The following LARGE1 variants were observed in gnomAD, a reference collection of about 807,000 sequenced individuals.
LARGE1 encodes xylosyl- and glucuronyltransferase LARGE1.
Under a neutral mutation model 87.6 loss-of-function variants are expected in LARGE1, and 43 were observed. That is an observed-to-expected ratio of 0.49 (90% confidence interval 0.38 to 0.63). The LOEUF is 0.63. Among genes scored for constraint, LARGE1 ranks in the 30% least tolerant of loss-of-function variants. The pLI is 0.00. For missense variants in LARGE1, 802 were observed against 1,000.2 expected (o/e 0.80, Z 2.67); for synonymous variants, 434 against 394.6 (o/e 1.10, Z -1.18).
At chr22:33,467,110 A>T (rs531922700) in intron 6 of LARGE1, among the ~76,000 whole-genome samples, 1 of 152,306 alleles carries the variant, frequency 6.6e-6, no homozygotes, top group East Asian at 1.9e-4. Flanking sequence ...TATTGTTTCA[A>T]CTGTGTCTTC....
intron 6 of LARGE1, chr22:33,562,951 A>T (rs942383588): frequency 2.0e-5 from 3 of 152,658 alleles, no homozygotes; most frequent in Admixed American, 2.0e-4. Flanking sequence ...GCTCTTGAGA[A>T]CAGCACCTAT....
rs546697551 is a variant in LARGE1, at chr22:33,565,581, C to A, written c.616-562G>T. ...GATAAATAAGAGGACCTAGTCATCA[C>A]GCGACACTCTTCACCTGACAGCAAT... On this transcript the variant is annotated intron_variant, in intron 5 of 14. Transcript: ENST00000397394. Among the ~76,000 whole-genome samples the A allele has an allele frequency of 5.9e-5, 9 of 152,226 alleles. No homozygotes were observed. The South Asian group carries it at 1.3e-3, about 21-fold the overall frequency.
At chr22:33,882,035 G>T (rs199976648) in intron 1 of LARGE1, among the ~76,000 whole-genome samples, 5,859 of 144,132 alleles carry the variant, frequency 0.041, 134 homozygotes, top group Middle Eastern at 0.077. Flanking sequence ...TTTTGTTTTT[G>T]TTTTTTTTTG....
chr22:33,510,233 T>C (rs113676532), intron 6 of LARGE1, among the ~76,000 whole-genome samples: 1 of 152,126 alleles, frequency 6.6e-6, no homozygotes, highest in African/African-American at 2.4e-5. Context: ...GCAGCCACCT[T>C]GTAAGGGGGT....
chr22:33,216,878 C>A (rs1254670889), intron 11 of LARGE1, among the ~76,000 whole-genome samples: 1 of 152,154 alleles, frequency 6.6e-6, no homozygotes, highest in Non-Finnish European at 1.5e-5. Context: ...CATGTGGGAG[C>A]TAGAGGCAAA....
At chr22:33,653,599 G>A (rs2080881630) in intron 2 of LARGE1, among the ~76,000 whole-genome samples, 1 of 152,182 alleles carries the variant, frequency 6.6e-6, no homozygotes, top group Non-Finnish European at 1.5e-5. Flanking sequence ...AAATGTTCCA[G>A]TAAGAGTGAT....
intron 1 of LARGE1, among the ~76,000 whole-genome samples, chr22:33,882,185 C>G (rs552417305): frequency 2.0e-5 from 3 of 152,164 alleles, no homozygotes; most frequent in African/African-American, 7.2e-5. Context: ...CACCTGCCAC[C>G]ATGCCTGGCT....
chr22:33,641,162 C>T (rs1036720254), intron 3 of LARGE1, among the ~76,000 whole-genome samples: 5 of 152,134 alleles, frequency 3.3e-5, no homozygotes, highest in African/African-American at 7.2e-5. Context: ...TGGCAACGGG[C>T]GGGTGCCCCT....
intron 1 of LARGE1, among the ~76,000 whole-genome samples, chr22:33,904,479 C>A (rs1377424803): frequency 6.6e-6 from 1 of 152,134 alleles, no homozygotes; most frequent in Non-Finnish European, 1.5e-5. Context: ...GCCAGATGTA[C>A]TGGGAAAAAG....
chr22:33,859,159 T>C (rs2063841399), intron 1 of LARGE1, among the ~76,000 whole-genome samples: 1 of 152,162 alleles, frequency 6.6e-6, no homozygotes, highest in Non-Finnish European at 1.5e-5. Flanking sequence ...CTGCACGTTC[T>C]GCACATGTAT....
chr22:33,303,128 C>T (rs553599177), intron 12 of LARGE1, among the ~76,000 whole-genome samples: 7 of 152,262 alleles, frequency 4.6e-5, no homozygotes, highest in Admixed American at 2.0e-4. Context: ...CCTATCAATC[C>T]GAATTGTGTA....
intron 6 of LARGE1, among the ~76,000 whole-genome samples, chr22:33,511,241 T>C (rs903890902): frequency 6.6e-6 from 1 of 152,210 alleles, no homozygotes; most frequent in Non-Finnish European, 1.5e-5. Context: ...GAGTTGTACC[T>C]GTGTGTGTAC....
At chr22:33,857,792 T>C (rs2063797107) in intron 1 of LARGE1, among the ~76,000 whole-genome samples, 1 of 152,148 alleles carries the variant, frequency 6.6e-6, no homozygotes, top group Non-Finnish European at 1.5e-5. Flanking sequence ...ACACTGCTGG[T>C]AGGAGTGTAA....
Position 33,709,979 on chromosome 22 carries a change from GAAAAAA to G in LARGE1, c.106+51386_106+51391del, listed in dbSNP as rs5845106. ...TCTCTCATCAGACCTTTGCTAGGCA[GAAAAAA>G]AAAAAAAAAAAAAAAGGAAAACTTC... On this transcript the variant is annotated intron_variant, in intron 2 of 14. Coordinates refer to ENST00000397394, the MANE Select transcript of LARGE1 (RefSeq NM_133642.5). 6.5e-4 allele frequency among the ~76,000 whole-genome samples: 58 copies of G among 88,810 alleles called. 1 individual carries two copies. Among genetic ancestry groups the G allele is most frequent in the African/African-American group, 2.2e-3 (56 of 25,580 alleles). The allele number at this position is 88,810 out of a possible 152,430, so 58.3% of individuals were successfully genotyped here.
chr22:33,487,167 T>G (rs2069624608), intron 6 of LARGE1, among the ~76,000 whole-genome samples: 1 of 152,182 alleles, frequency 6.6e-6, no homozygotes, highest in African/African-American at 2.4e-5. Context: ...GCTTATCAAA[T>G]TATTCATTCA....
intron 6 of LARGE1, among the ~76,000 whole-genome samples, chr22:33,503,242 CTTT>C (rs60105421): frequency 1.4e-5 from 2 of 142,808 alleles, no homozygotes; most frequent in African/African-American, 5.3e-5. Context: ...AGGAGTTCCC[CTTT>C]TTTTTTTTTT....
chr22:33,569,261 G>C (rs1353709517), intron 5 of LARGE1, among the ~76,000 whole-genome samples: 2 of 152,196 alleles, frequency 1.3e-5, no homozygotes, highest in East Asian at 3.8e-4. Context: ...AAGCAGGAGA[G>C]CTGGGTGAAG....
At chr22:33,086,549 CTTTTTT>C in the LARGE1 span, among the ~76,000 whole-genome samples, 11 of 108,438 alleles carry the variant, frequency 1.0e-4, no homozygotes, top group Non-Finnish European at 1.5e-4. Flanking sequence ...AGTTCTTCTA[CTTTTTT>C]TTTTTTTTTT....
intron 6 of LARGE1, among the ~76,000 whole-genome samples, chr22:33,474,835 G>A (rs1390781393): frequency 6.6e-6 from 1 of 152,208 alleles, no homozygotes; most frequent in Non-Finnish European, 1.5e-5. Context: ...AAACTCAGCT[G>A]TCAGCAAGAT....
Sources: gnomAD v4.1 joint callset for allele counts (sites outside exome capture counted in the v4.1 genomes callset) on GRCh38, gnomAD v4.1.1 for gene constraint, MANE v1.5 for transcripts, NCBI Gene and HGNC (gene_info 2026-07-23, HGNC 2026-07-21) for gene names.